Variants in SORT1 observed in about 807,000 individuals in gnomAD.
The protein encoded by SORT1 is sortilin.
A neutral mutation model predicts 101.7 loss-of-function variants in SORT1; 39 were observed. The observed-to-expected ratio is 0.38, with a 90% CI of 0.30 to 0.50. The LOEUF (loss-of-function observed/expected upper bound fraction) is 0.50, where lower values mean the gene tolerates loss of function less well. Among genes scored for constraint, SORT1 ranks in the 20% least tolerant of loss-of-function variants. The pLI, the probability that SORT1 is intolerant of heterozygous loss-of-function variation, is 0.90. For synonymous variants in SORT1, 396 were observed against 393.7 expected (o/e 1.01, Z -0.07); for missense variants, 878 against 1,040.4 (o/e 0.84, Z 2.15).
chr1:109,350,990 C>G lies in SORT1; in HGVS notation c.721G>C (p.Val241Leu), dbSNP rs147367732. The G allele has an allele frequency of 1.9e-6, 3 of 1,609,028 alleles. No homozygotes were observed. Among genetic ancestry groups the G allele is most frequent in the Non-Finnish European group, 2.6e-6 (3 of 1,175,280 alleles). ...LALSTENGLW[V>L]SKNFGGKWEE... is the part of the protein sequence containing the mutation. ...CATTTTCCCCCAAAATTCTTGGACA[C>G]CCACAGGCCATTCTGAAAGATTATA... Residue 241 changes from valine (V) to leucine (L), a missense_variant, in exon 6 of 20, where the codon GTG (valine) becomes CTG (leucine). Coordinates refer to ENST00000256637, the MANE Select transcript of SORT1 (RefSeq NM_002959.7).
chr1:109,353,260 G>A (rs999060858), intron 5 of SORT1, among the ~76,000 whole-genome samples: 1 of 151,030 alleles, frequency 6.6e-6, no homozygotes, highest in Non-Finnish European at 1.5e-5. Flanking sequence ...CCCGGGAGGC[G>A]GAGGTTGCAG....
chr1:109,340,954 C>CAG, intron 9 of SORT1, 75 bp from the exon 10 acceptor site: 1 of 1,248,168 alleles, frequency 8.0e-7, no homozygotes, highest in Non-Finnish European at 1.1e-6. Flanking sequence ...TAACCACACA[C>CAG]GATTACCTGC....
At chr1:109,374,275 A>T (rs1374228852) in intron 1 of SORT1, among the ~76,000 whole-genome samples, 3 of 152,146 alleles carry the variant, frequency 2.0e-5, no homozygotes, top group Admixed American at 2.0e-4. Context: ...AAATTTTTTT[A>T]AAGACTTAAA....
intron 2 of SORT1, 107 bp downstream of exon 2, chr1:109,369,423 G>T: frequency 1.3e-6 from 1 of 750,004 alleles, no homozygotes; most frequent in Non-Finnish European, 2.4e-6. Flanking sequence ...CTGTGATTGA[G>T]GCTAAAGACA....
rs1342347766 is a variant in SORT1 at position 109,314,716 on chromosome 1, G to A, written c.2313C>T (p.Val771=). The A allele has an allele frequency of 9.9e-6, 16 of 1,610,730 alleles. No individual in the cohort carries two copies. The highest frequency in any genetic ancestry group is 8.0e-5 in the African/African-American group (6 of 74,830). The stretch of plus-strand genomic sequence containing the variant: ...TCTTCACAATGAGCACTCCTGCTAC[G>A]ACTGTGACCAGCATCAATCCCACGA... The part of the protein sequence containing the change: ...LAIVGLMLVT[V]VAGVLIVKKY... Residue 771 remains valine, a synonymous_variant, in exon 18 of 20, where the codon GTC becomes GTT. Coordinates refer to ENST00000256637, the MANE Select transcript of SORT1 (RefSeq NM_002959.7).
At chr1:109,367,278 C>T in intron 3 of SORT1, 130 bp downstream of exon 3, 1 of 614,308 alleles carries the variant, frequency 1.6e-6, no homozygotes. Flanking sequence ...GTGTGACAGT[C>T]TGGTGAAAAC....
intron 11 of SORT1, among the ~76,000 whole-genome samples, chr1:109,334,003 G>A (rs937833960): frequency 2.6e-5 from 4 of 152,094 alleles, no homozygotes; most frequent in African/African-American, 4.8e-5. Flanking sequence ...AAAATTAGCC[G>A]GGCGTGGTGG....
intron 15 of SORT1, 26 bp downstream of exon 15, chr1:109,322,906 C>G: frequency 6.3e-7 from 1 of 1,580,550 alleles, no homozygotes; most frequent in African/African-American, 1.3e-5. Flanking sequence ...GAAAGGGAGA[C>G]AGAGAAATCT....
intron 11 of SORT1, among the ~76,000 whole-genome samples, chr1:109,334,959 A>G (rs1012363359): frequency 1.3e-5 from 2 of 152,142 alleles, no homozygotes; most frequent in Non-Finnish European, 2.9e-5. Context: ...ATTTTTTTAA[A>G]AAGAAGAGGT....
Position 109,326,458 on chromosome 1 carries a change from T to C in SORT1, c.1643+534A>G, listed in dbSNP as rs1455044150. Among the ~76,000 whole-genome samples, 48 of 35,332 alleles carry C rather than the reference T, an allele frequency of 1.4e-3. 1 individual carries two copies. The highest frequency in any genetic ancestry group is 4.4e-3 in the African/African-American group (46 of 10,572). The allele number at this position is 35,332 out of a possible 152,430, so 23.2% of individuals were successfully genotyped here. ...ATATATATATATATATATATATATA[T>C]ATATATACATACACACACACACACA... On this transcript the variant is annotated intron_variant, in intron 13 of 19. Transcript: ENST00000256637.
chr1:109,342,150 T>C lies in SORT1; in HGVS notation c.972A>G (p.Thr324=). ...FASVMADKDT[T]RRIHVSTDQG... The stretch of plus-strand genomic sequence containing the variant: ...GATCTGTTGAAACGTGGATCCTTCT[T>C]GTTGTATCCTAGAACAGATGTCAAT... The change falls in exon 9 of 20, where the codon ACA becomes ACG. Residue 324 remains threonine, a synonymous_variant. Transcript: ENST00000256637. 6.2e-7 allele frequency: 1 copy of C among 1,611,770 alleles called. No individual in the cohort carries two copies. The highest frequency in any genetic ancestry group is 8.5e-7 in the Non-Finnish European group (1 of 1,178,100).
At chr1:109,385,966 G>C (rs895798765) in intron 1 of SORT1, among the ~76,000 whole-genome samples, 1 of 152,096 alleles carries the variant, frequency 6.6e-6, no homozygotes, top group Non-Finnish European at 1.5e-5. Flanking sequence ...CAGTTCCCAG[G>C]ACCTGATAAG....
chr1:109,386,449 T>C (rs1000439258), intron 1 of SORT1, among the ~76,000 whole-genome samples: 4 of 152,048 alleles, frequency 2.6e-5, no homozygotes, highest in African/African-American at 7.3e-5. Flanking sequence ...AAAACAAAGA[T>C]GGAGAAGCAA....
intron 11 of SORT1, among the ~76,000 whole-genome samples, chr1:109,335,773 C>T (rs1648776941): frequency 6.6e-6 from 1 of 152,198 alleles, no homozygotes; most frequent in African/African-American, 2.4e-5. Flanking sequence ...GCCTTGCGTC[C>T]CTGTGCACTA....
At chr1:109,314,232 T>C in intron 19 of SORT1, 29 bp downstream of exon 19, 3 of 888,776 alleles carry the variant, frequency 3.4e-6, no homozygotes, top group South Asian at 1.4e-5. Flanking sequence ...GGGGGGGGGG[T>C]ACTACCATTC....
chr1:109,384,107 T>A (rs1208081354), intron 1 of SORT1, among the ~76,000 whole-genome samples: 18 of 152,164 alleles, frequency 1.2e-4, no homozygotes, highest in Admixed American at 1.2e-3. Context: ...GGGTTTTTGT[T>A]GTTTTCGAGA....
chr1:109,315,559 A>G (rs1658979912), intron 17 of SORT1, among the ~76,000 whole-genome samples: 2 of 152,072 alleles, frequency 1.3e-5, no homozygotes, highest in African/African-American at 4.8e-5. Flanking sequence ...ATCCCTTAGA[A>G]CAGCAGAGAG....
intron 14 of SORT1, among the ~76,000 whole-genome samples, chr1:109,324,188 G>A (rs930126061): frequency 6.6e-6 from 1 of 151,966 alleles, no homozygotes; most frequent in Non-Finnish European, 1.5e-5. Context: ...GAGTGCAATG[G>A]CATGATCTTG....
At chr1:109,352,923 T>C (rs771367365) in intron 5 of SORT1, among the ~76,000 whole-genome samples, 1 of 152,196 alleles carries the variant, frequency 6.6e-6, no homozygotes, top group Non-Finnish European at 1.5e-5. Context: ...TGCTCCCTTA[T>C]AGTGCTTTCA....
Sources: allele counts gnomAD v4.1 joint callset (sites outside exome capture counted in the v4.1 genomes callset), GRCh38; gene constraint gnomAD v4.1.1; transcripts MANE v1.5; gene names NCBI Gene and HGNC (gene_info 2026-07-23, HGNC 2026-07-21).